The following AGBL1 variants were observed in gnomAD, a reference collection of about 807,000 sequenced individuals.
AGBL1 encodes AGBL carboxypeptidase 1, also known as cytosolic carboxypeptidase 4.
A neutral mutation model predicts 118.9 loss-of-function variants in AGBL1; 130 were observed. The ratio of observed to expected loss-of-function variants is 1.09; its 90% CI spans 0.95 to 1.26. The LOEUF (loss-of-function observed/expected upper bound fraction) is 1.26. Ranked by LOEUF, AGBL1 falls within the 50% of genes most tolerant of loss-of-function variation. The probability of loss-of-function intolerance (pLI) is 0.00; values close to 1 mark genes in which losing one functional copy is unlikely to be tolerated. For missense variants in AGBL1, 1,584 were observed against 1,298.1 expected (o/e 1.22, Z -3.38); for synonymous variants, 555 against 478.9 (o/e 1.16, Z -2.08).
At chr15:86,628,793 CAA>C (rs909794779) in intron 21 of AGBL1, among the ~76,000 whole-genome samples, 18 of 146,112 alleles carry the variant, frequency 1.2e-4, no homozygotes, top group African/African-American at 4.5e-4. Context: ...GACTCCATCT[CAA>C]AAAAAAAAGT....
chr15:86,979,072 G>A (rs143404088), intron 23 of AGBL1, among the ~76,000 whole-genome samples: 1 of 152,178 alleles, frequency 6.6e-6, no homozygotes, highest in Non-Finnish European at 1.5e-5. Context: ...GTGTGAGGAG[G>A]TAAATCCTAC....
At chr15:86,731,392 G>A (rs139986820) in intron 22 of AGBL1, among the ~76,000 whole-genome samples, 3 of 152,222 alleles carry the variant, frequency 2.0e-5, no homozygotes, top group East Asian at 1.9e-4. Context: ...CACCATTGTT[G>A]AAAATAGAAA....
Position 86,957,532 on chromosome 15 carries a change from AAATT to A in AGBL1, c.3222-30451_3222-30448del, listed in dbSNP as rs559736605. Among the ~76,000 whole-genome samples, 160 of 152,204 alleles carry A rather than the reference AAATT, an allele frequency of 1.1e-3. 1 individual carries two copies. Among genetic ancestry groups the A allele is most frequent in the African/African-American group, 3.2e-3 (135 of 41,578 alleles). On this transcript the variant is annotated intron_variant, in intron 23 of 24. Transcript: ENST00000441037. ...TATAATGGAAAATATCAATATATAA[AAATT>A]AATCACATTACTATATAGCAGCAGC...
chr15:86,841,685 A>G (rs1033901916), intron 22 of AGBL1, among the ~76,000 whole-genome samples: 1 of 152,066 alleles, frequency 6.6e-6, no homozygotes, highest in Admixed American at 6.5e-5. Context: ...TGTCTCTACT[A>G]AAAACACAAA....
intron 22 of AGBL1, among the ~76,000 whole-genome samples, chr15:86,694,609 C>T (rs1351486432): frequency 1.3e-5 from 2 of 152,008 alleles, no homozygotes; most frequent in South Asian, 2.1e-4. Flanking sequence ...TCTGATTGCT[C>T]TGACTAGGAC....
intron 22 of AGBL1, among the ~76,000 whole-genome samples, chr15:86,739,590 C>T (rs1567149594): frequency 6.7e-6 from 1 of 150,344 alleles, no homozygotes; most frequent in Non-Finnish European, 1.5e-5. Flanking sequence ...CTTCAAAAGA[C>T]CTGGGTTCAA....
At chr15:86,715,229 C>T (rs1323617028) in intron 22 of AGBL1, among the ~76,000 whole-genome samples, 1 of 152,184 alleles carries the variant, frequency 6.6e-6, no homozygotes, top group East Asian at 1.9e-4. Context: ...AAATCCTGCA[C>T]AGTGAATTAG....
chr15:86,534,906 G>T (rs957060515), intron 19 of AGBL1, among the ~76,000 whole-genome samples: 1 of 152,072 alleles, frequency 6.6e-6, no homozygotes, highest in African/African-American at 2.4e-5. Flanking sequence ...GAATAGTAGG[G>T]GTCAGGAGGG....
intron 5 of AGBL1, among the ~76,000 whole-genome samples, chr15:86,205,664 G>T (rs2141869310): frequency 6.6e-6 from 1 of 152,260 alleles, no homozygotes; most frequent in South Asian, 2.1e-4. Flanking sequence ...GTATGTATTG[G>T]TATTTCATTG....
chr15:86,526,380 T>TA (rs1360172987), intron 19 of AGBL1, among the ~76,000 whole-genome samples: 3 of 151,898 alleles, frequency 2.0e-5, no homozygotes, highest in African/African-American at 7.3e-5. Context: ...CCCAAAGGAA[T>TA]AAAAAAGTTA....
chr15:87,019,966 C>A (rs374464172), intron 24 of AGBL1, among the ~76,000 whole-genome samples: 3 of 151,980 alleles, frequency 2.0e-5, no homozygotes, highest in African/African-American at 7.2e-5. Flanking sequence ...ACAACCATCA[C>A]AGAATACTAT....
At chr15:86,378,704 C>T (rs1050704759) in intron 17 of AGBL1, among the ~76,000 whole-genome samples, 1 of 151,384 alleles carries the variant, frequency 6.6e-6, no homozygotes, top group African/African-American at 2.4e-5. Context: ...ATTATTATAC[C>T]CATTTCACAG....
intron 24 of AGBL1, among the ~76,000 whole-genome samples, chr15:87,018,856 T>C (rs895118104): frequency 2.0e-5 from 3 of 152,082 alleles, no homozygotes; most frequent in East Asian, 1.9e-4. Flanking sequence ...AGAAGACCCA[T>C]TGGTATGTTG....
At position 86,721,822 on chromosome 15, in the gene AGBL1, A is replaced by C. The variant is rs531132815; in HGVS notation, c.3158+47386A>C. Among the ~76,000 whole-genome samples, 3 of 152,358 alleles carry C rather than the reference A, an allele frequency of 2.0e-5. No homozygotes were observed. The East Asian group carries it at 5.8e-4, about 29-fold the overall frequency. ...CTTCAGCAAAGTCTCAGGATACAAA[A>C]TCAATGTACAAAAATCACAAGCATT... On this transcript the variant is annotated intron_variant, in intron 22 of 22. Coordinates refer to ENST00000614907, the MANE Select transcript of AGBL1 (RefSeq NM_001386094.1).
At chr15:86,921,601 T>C (rs1200918234) in intron 23 of AGBL1, among the ~76,000 whole-genome samples, 5 of 152,126 alleles carry the variant, frequency 3.3e-5, no homozygotes, top group Admixed American at 6.5e-5. Context: ...ATTTCCATGC[T>C]TGGGGAGGGA....
intron 5 of AGBL1, among the ~76,000 whole-genome samples, chr15:86,211,371 A>G (rs1421197131): frequency 6.6e-6 from 1 of 152,150 alleles, no homozygotes; most frequent in African/African-American, 2.4e-5. Flanking sequence ...CTCTCTTCAG[A>G]GCTGTCAGAC....
At position 86,675,338 on chromosome 15, in the gene AGBL1, C is replaced by T. The variant is rs576189012; in HGVS notation, c.3158+902C>T. Among the ~76,000 whole-genome samples, 11 of 152,238 alleles carry T rather than the reference C, an allele frequency of 7.2e-5. No individual in the cohort carries two copies. The East Asian group carries it at 2.1e-3, about 29-fold the overall frequency. On this transcript the variant is annotated intron_variant, in intron 22 of 22. Transcript: ENST00000614907. ...AATTTTCTTGAATTTTCCTCCTGTT[C>T]CTGTTAGGTGGCTGTTGCAGTGTGA... is the stretch of plus-strand genomic sequence containing the variant.
chr15:86,685,300 C>G (rs754261258), intron 22 of AGBL1, among the ~76,000 whole-genome samples: 30 of 152,080 alleles, frequency 2.0e-4, no homozygotes, highest in Admixed American at 2.0e-4. Flanking sequence ...TTCTAGTAAG[C>G]CAGAAAAATA....
intron 21 of AGBL1, among the ~76,000 whole-genome samples, chr15:86,668,558 A>G (rs1414767277): frequency 6.6e-6 from 1 of 152,150 alleles, no homozygotes; most frequent in Non-Finnish European, 1.5e-5. Context: ...TTTATCTGCA[A>G]TATTTCTTCA....
Sources: gnomAD v4.1 joint callset for allele counts (sites outside exome capture counted in the v4.1 genomes callset) on GRCh38, gnomAD v4.1.1 for gene constraint, MANE v1.5 for transcripts, NCBI Gene and HGNC (gene_info 2026-07-23, HGNC 2026-07-21) for gene names.